The following AKNA variants were observed in gnomAD, a reference collection of about 807,000 sequenced individuals.
AKNA encodes AT-hook transcription factor, also known as microtubule organization protein AKNA.
A neutral mutation model predicts 138.8 loss-of-function variants in AKNA; 67 were observed. The ratio of observed to expected loss-of-function variants is 0.48; its 90% CI spans 0.40 to 0.59. The LOEUF is 0.59. AKNA is among the 20% of genes least tolerant of loss of function. The pLI is 0.00. For missense variants in AKNA, 1,813 were observed against 1,880.4 expected, an observed-to-expected ratio of 0.96 and a Z score of 0.66; for synonymous variants, 737 against 754.4, an observed-to-expected ratio of 0.98 and a Z score of 0.38.
At chr9:114,348,918 C>T (rs555097706) in intron 15 of AKNA, 4 of 456,312 alleles carry the variant, frequency 8.8e-6, no homozygotes, top group East Asian at 7.0e-5. Context: ...GGTGAGTATC[C>T]CCTGGTGCCG....
At chr9:114,338,121 T>C (rs1830118039) in intron 21 of AKNA, among the ~76,000 whole-genome samples, 2 of 152,130 alleles carry the variant, frequency 1.3e-5, no homozygotes, top group African/African-American at 4.8e-5. Flanking sequence ...GGAATAAGTT[T>C]AGGAGGACGC....
chr9:114,364,358 C>A (rs961715927), intron 7 of AKNA, among the ~76,000 whole-genome samples: 1 of 152,116 alleles, frequency 6.6e-6, no homozygotes, highest in East Asian at 1.9e-4. Context: ...CTGTACACAA[C>A]CATCCTTGCT....
chr9:114,374,191 G>T (rs765800166), intron 3 of AKNA, 24 bp from the exon 4 acceptor site: 35 of 1,551,164 alleles, frequency 2.3e-5, no homozygotes, highest in Non-Finnish European at 3.0e-5. Context: ...GAGCAACACG[G>T]TCACATGCGC....
chr9:114,344,340 C>A, intron 18 of AKNA: 1 of 154,872 alleles, frequency 6.5e-6, no homozygotes. Flanking sequence ...TGAACGGGGC[C>A]GTATCCGTGT....
intron 5 of AKNA, 61 bp downstream of exon 5, chr9:114,368,378 C>T: frequency 7.7e-7 from 1 of 1,305,532 alleles, no homozygotes; most frequent in Non-Finnish European, 9.8e-7. Context: ...CCAAGTCAGT[C>T]CCACAGAGCA....
intron 15 of AKNA, chr9:114,348,768 C>T (rs547613375): frequency 5.5e-5 from 24 of 433,192 alleles, no homozygotes; most frequent in African/African-American, 4.4e-4. Flanking sequence ...ACAAGACCCC[C>T]TCAACCACGG....
intron 11 of AKNA, 107 bp downstream of exon 11, chr9:114,359,487 A>G (rs905558062): frequency 5.7e-6 from 9 of 1,585,098 alleles, no homozygotes; most frequent in Non-Finnish European, 7.7e-6. Context: ...CAGGACAGGT[A>G]AGCCATGTCT....
At chr9:114,348,897 C>G (rs1197688557) in intron 15 of AKNA, 8 of 456,228 alleles carry the variant, frequency 1.8e-5, no homozygotes, top group Non-Finnish European at 3.1e-5. Flanking sequence ...CTGGTGGCCC[C>G]TGGACTCCTG....
intron 1 of AKNA, among the ~76,000 whole-genome samples, chr9:114,386,513 G>T (rs527630391): frequency 9.9e-5 from 15 of 151,672 alleles, no homozygotes; most frequent in Admixed American, 6.1e-4. Flanking sequence ...CAGCAGGGCT[G>T]CTCCTAAAAG....
At chr9:114,358,391 C>T in intron 11 of AKNA, 1 of 553,318 alleles carries the variant, frequency 1.8e-6, no homozygotes, top group Non-Finnish European at 3.1e-6. Context: ...GCCAACAAAA[C>T]CCACCCAACA....
intron 20 of AKNA, 105 bp from the exon 21 acceptor site, chr9:114,341,830 C>A: frequency 1.4e-6 from 2 of 1,382,286 alleles, no homozygotes; most frequent in Non-Finnish European, 2.0e-6. Context: ...GCTGGACAGG[C>A]CCTACCCTGT....
At chr9:114,374,774 CCTT>C (rs1185459571) in intron 3 of AKNA, among the ~76,000 whole-genome samples, 1 of 152,140 alleles carries the variant, frequency 6.6e-6, no homozygotes, top group East Asian at 1.9e-4. Flanking sequence ...GGAACTGACT[CCTT>C]CTGAAAACGG....
chr9:114,359,389 C>T, intron 11 of AKNA: 2 of 990,636 alleles, frequency 2.0e-6, no homozygotes, highest in South Asian at 1.7e-5. Context: ...TTCTTTAATA[C>T]TGCATGTGTC....
upstream of AKNA, among the ~76,000 whole-genome samples, chr9:114,398,191 G>A (rs1834596115): frequency 6.6e-6 from 1 of 152,152 alleles, no homozygotes; most frequent in Admixed American, 6.5e-5. The surrounding 1 kb of genome is among the most constrained non-coding windows in gnomAD (Gnocchi z 4.2). Context: ...CCCCGCGGCC[G>A]GCACGGTTTG....
intron 14 of AKNA, among the ~76,000 whole-genome samples, chr9:114,351,412 T>C (rs1456804194): frequency 1.3e-5 from 2 of 152,234 alleles, no homozygotes; most frequent in Non-Finnish European, 2.9e-5. Flanking sequence ...TAGTCACCTC[T>C]TTCCACGTAT....
At chr9:114,331,413 C>T (rs1293889269), downstream of AKNA, among the ~76,000 whole-genome samples, 40 of 152,056 alleles carry the variant, frequency 2.6e-4, no homozygotes, top group Admixed American at 6.5e-4. Flanking sequence ...GAGCTGGGCA[C>T]GCAGCAGGGG....
In AKNA at chr9:114,356,124, T is replaced by C. The variant is rs1361856459; in HGVS notation, c.2859A>G (p.Thr953=). Residue 953 remains threonine (T), a synonymous_variant, in exon 14 of 22, where the codon ACA becomes ACG. Coordinates refer to ENST00000374088, the MANE Select transcript of AKNA (RefSeq NM_001317950.2). ...CAGATGCAGCAAAGGGCTGGGCTAA[T>C]GTTCCTGCTGTGCTGGGGGACCGTG... ...HRLSHISTAG[T]LAQPFAASVP... is the part of the protein sequence containing the mutation. 26 of 1,613,116 alleles carry C rather than the reference T, an allele frequency of 1.6e-5. No homozygotes were observed. The highest frequency in any genetic ancestry group is 2.0e-5 in the Non-Finnish European group (24 of 1,179,468).
rs1168833034 is a variant in AKNA, at chr9:114,374,085, C to T, written c.1416+8G>A. On this transcript the variant is annotated splice_region_variant and intron_variant, in intron 4 of 21. Coordinates refer to ENST00000374088, the MANE Select transcript of AKNA (RefSeq NM_001317950.2). ...GGCCCATGCCTCCACCCCATCCCGGCCTGGTACCTTGGCCCCGAGGCGTAG... is the reference window on the plus strand; with the variant it reads ...GGCCCATGCCTCCACCCCATCCCGGTCTGGTACCTTGGCCCCGAGGCGTAG... The T allele has an allele frequency of 1.9e-6, 3 of 1,553,932 alleles. No homozygotes were observed. In the South Asian group the frequency reaches 3.6e-5, roughly 18 times the overall value.
intron 9 of AKNA, 84 bp downstream of exon 9, chr9:114,361,620 A>G: frequency 6.8e-7 from 1 of 1,467,138 alleles, no homozygotes; most frequent in Non-Finnish European, 9.5e-7. Flanking sequence ...CACTTCATAA[A>G]TATGTAATAC....
Sources: allele counts gnomAD v4.1 joint callset (sites outside exome capture counted in the v4.1 genomes callset), GRCh38; gene constraint gnomAD v4.1.1; non-coding constraint Gnocchi (gnomAD v3.1); transcripts MANE v1.5; gene names NCBI Gene and HGNC (gene_info 2026-07-23, HGNC 2026-07-21).